The following ERC2 variants were observed in gnomAD, a reference collection of about 807,000 sequenced individuals.
ERC2 encodes the protein ELKS/RAB6-interacting/CAST family member 2, also known as ERC protein 2.
In ERC2, 42 loss-of-function variants were observed where a neutral mutation model predicts 114.8. The observed-to-expected ratio is 0.37, with a 90% CI of 0.29 to 0.47. ERC2 has a LOEUF of 0.47. ERC2 is among the 20% of genes least tolerant of loss of function. The pLI is 0.99. For missense variants in ERC2, 939 were observed against 1,150.7 expected, an observed-to-expected ratio of 0.82 and a Z score of 2.66; for synonymous variants, 454 against 425.5, an observed-to-expected ratio of 1.07 and a Z score of -0.82.
intron 5 of ERC2, among the ~76,000 whole-genome samples, chr3:56,146,282 G>T (rs546110689): frequency 9.9e-5 from 15 of 152,142 alleles, no homozygotes; most frequent in African/African-American, 3.4e-4. Flanking sequence ...GTGAGACCCT[G>T]CCTCAAAACA....
At chr3:55,645,153 AGTATAT>A (rs1438521187) in intron 17 of ERC2, among the ~76,000 whole-genome samples, 1 of 152,320 alleles carries the variant, frequency 6.6e-6, no homozygotes, top group East Asian at 1.9e-4. Context: ...TTTGGAAATG[AGTATAT>A]GTATATTATT....
intron 7 of ERC2, among the ~76,000 whole-genome samples, chr3:56,041,205 T>G (rs2075171909): frequency 6.6e-6 from 1 of 152,152 alleles, no homozygotes; most frequent in Admixed American, 6.5e-5. Context: ...AGGTGGGGTT[T>G]TTTTCCTATT....
intron 12 of ERC2, among the ~76,000 whole-genome samples, chr3:55,965,864 C>G (rs1375516051): frequency 6.6e-6 from 1 of 152,040 alleles, no homozygotes; most frequent in African/African-American, 2.4e-5. Flanking sequence ...GTGGATGAAG[C>G]AAAAATCAAT....
chr3:55,739,317 T>A (rs2065838504), intron 14 of ERC2, among the ~76,000 whole-genome samples: 2 of 152,230 alleles, frequency 1.3e-5, no homozygotes, highest in African/African-American at 2.4e-5. Flanking sequence ...TGGTTCTAGA[T>A]CCTTGAGGAA....
intron 16 of ERC2, among the ~76,000 whole-genome samples, chr3:55,686,719 C>G (rs903705138): frequency 6.6e-6 from 1 of 152,178 alleles, no homozygotes; most frequent in African/African-American, 2.4e-5. Context: ...ATCTATCAGG[C>G]CTGGGAGAGT....
Position 55,879,069 on chromosome 3 carries a change from TTTTTC to T in ERC2, c.2564+9315_2564+9319del, listed in dbSNP as rs201604379. ...ATGCAGTAACTTTCTTTTTTCTTTC[TTTTTC>T]TTTTCTTTTTTTTTCTTTTTCTTAA... On this transcript the variant is annotated intron_variant, in intron 14 of 17. Coordinates refer to ENST00000288221, the MANE Select transcript of ERC2 (RefSeq NM_015576.3). Among the ~76,000 whole-genome samples, 1,207 of 146,338 alleles carry T rather than the reference TTTTTC, an allele frequency of 8.2e-3. 14 individuals carry two copies. Among genetic ancestry groups the T allele is most frequent in the African/African-American group, 0.024 (943 of 39,674 alleles).
At chr3:55,777,977 C>T (rs1371339006) in intron 14 of ERC2, among the ~76,000 whole-genome samples, 2 of 152,072 alleles carry the variant, frequency 1.3e-5, no homozygotes, top group African/African-American at 4.8e-5. Flanking sequence ...TAGGAAATTT[C>T]CTTGATGATG....
intron 17 of ERC2, among the ~76,000 whole-genome samples, chr3:55,520,424 A>C (rs1464069436): frequency 8.9e-6 from 1 of 112,402 alleles, no homozygotes; most frequent in Non-Finnish European, 1.7e-5. Flanking sequence ...AGACAGTGAG[A>C]CTCTGTCTCA....
At chr3:55,790,326 C>T (rs911976247) in intron 14 of ERC2, among the ~76,000 whole-genome samples, 5 of 152,208 alleles carry the variant, frequency 3.3e-5, no homozygotes, top group Admixed American at 1.3e-4. Context: ...TCTCTGGAAG[C>T]GCTTCCCCGA....
intron 17 of ERC2, among the ~76,000 whole-genome samples, chr3:55,579,505 T>C (rs1307491890): frequency 2.0e-5 from 3 of 152,266 alleles, no homozygotes; most frequent in African/African-American, 4.8e-5. Flanking sequence ...GAGGTTTTGC[T>C]GCACATGCTT....
chr3:55,999,479 A>G (rs1332294184), intron 10 of ERC2, among the ~76,000 whole-genome samples: 1 of 152,134 alleles, frequency 6.6e-6, no homozygotes, highest in Non-Finnish European at 1.5e-5. Flanking sequence ...GACAGAATTG[A>G]CTATAAAATT....
In ERC2 at chr3:55,650,365, C is replaced by G. The variant is rs149706985; in HGVS notation, c.*39+33429G>C. 2.6e-3 allele frequency among the ~76,000 whole-genome samples: 395 copies of G among 152,268 alleles called. 2 individuals carry two copies. The highest frequency in any genetic ancestry group is 2.6e-3 in the Non-Finnish European group (179 of 68,030). ...CTCTCCAATTTCATCTACCATCTCT[C>G]CCCCCATCTCACTTGATGATCACCA... On this transcript the variant is annotated intron_variant, in intron 17 of 17. Transcript: ENST00000288221.
At chr3:55,597,264 CA>C (rs1240354142) in intron 17 of ERC2, among the ~76,000 whole-genome samples, 1 of 151,814 alleles carries the variant, frequency 6.6e-6, no homozygotes, top group African/African-American at 2.4e-5. Context: ...ACAAAAAATA[CA>C]AAAAATTAGC....
chr3:55,842,567 T>A (rs575122065), intron 14 of ERC2, among the ~76,000 whole-genome samples: 2 of 152,292 alleles, frequency 1.3e-5, no homozygotes, highest in South Asian at 4.2e-4. Flanking sequence ...GTCTAACACA[T>A]ACTGACAAGT....
intron 7 of ERC2, among the ~76,000 whole-genome samples, chr3:56,059,991 A>C (rs1174522002): frequency 6.6e-6 from 1 of 152,208 alleles, no homozygotes; most frequent in Non-Finnish European, 1.5e-5. Context: ...TGTTCTCTGA[A>C]TTCTCTATCC....
chr3:55,818,029 C>A (rs1291018121), intron 14 of ERC2, among the ~76,000 whole-genome samples: 4 of 152,192 alleles, frequency 2.6e-5, no homozygotes, highest in Non-Finnish European at 4.4e-5. Flanking sequence ...GCACCTCTTT[C>A]ACGAGGCACC....
At chr3:55,983,019 C>T (rs772584365) in intron 12 of ERC2, among the ~76,000 whole-genome samples, 5 of 152,210 alleles carry the variant, frequency 3.3e-5, no homozygotes, top group Non-Finnish European at 7.3e-5. Context: ...GGGCAGTGCA[C>T]GCGGTCCATC....
intron 13 of ERC2, among the ~76,000 whole-genome samples, chr3:55,898,220 G>T (rs2063934591): frequency 6.6e-6 from 1 of 152,186 alleles, no homozygotes. Context: ...CATTCCAGAT[G>T]GGATTGGGCT....
At chr3:55,632,851 G>A (rs1236259880) in intron 17 of ERC2, among the ~76,000 whole-genome samples, 3 of 152,216 alleles carry the variant, frequency 2.0e-5, no homozygotes, top group Non-Finnish European at 4.4e-5. Flanking sequence ...AAGAAAGGAA[G>A]TTGGTTAGTC....
Sources: gnomAD v4.1 joint callset for allele counts (sites outside exome capture counted in the v4.1 genomes callset) on GRCh38, gnomAD v4.1.1 for gene constraint, MANE v1.5 for transcripts, NCBI Gene and HGNC (gene_info 2026-07-23, HGNC 2026-07-21) for gene names.